Variants in USP34 observed in about 807,000 individuals in gnomAD.
The protein encoded by USP34 is ubiquitin specific peptidase 34.
A neutral mutation model predicts 460.3 loss-of-function variants in USP34; 70 were observed. The observed-to-expected ratio is 0.15, with a 90% CI of 0.13 to 0.19. The LOEUF is 0.19. Among genes scored for constraint, USP34 ranks in the 10% least tolerant of loss-of-function variants. The pLI, the probability that USP34 is intolerant of heterozygous loss-of-function variation, is 1.00. For synonymous variants in USP34, 1,647 were observed against 1,405.3 expected, an observed-to-expected ratio of 1.17 and a Z score of -3.85; for missense variants, 3,985 against 4,236.2, an observed-to-expected ratio of 0.94 and a Z score of 1.65.
intron 61 of USP34, among the ~76,000 whole-genome samples, 157 bp downstream of exon 61, chr2:61,228,488 T>A (rs2103824846): frequency 6.6e-6 from 1 of 152,330 alleles, no homozygotes; most frequent in East Asian, 1.9e-4. Context: ...CCATTAAAAT[T>A]ACATTAAAAA....
chr2:61,188,471 T>C lies in USP34; in HGVS notation c.10272A>G (p.Ser3424=). Residue 3424 remains serine (S), a synonymous_variant, in exon 80 of 80, where the codon TCA becomes TCG. Transcript: ENST00000398571. ...EYRMEVPSSF[S]EDMSNIRSQH... ...GTGACCTGATATTTGACATGTCTTC[T>C]GAAAACGAAGATGGAACTTCCATTC... is the stretch of plus-strand genomic sequence containing the variant. 1 of 1,614,258 alleles carries C rather than the reference T, an allele frequency of 6.2e-7. No homozygotes were observed. Among genetic ancestry groups the C allele is most frequent in the Admixed American group, 1.7e-5 (1 of 60,034 alleles).
At chr2:61,428,935 A>G (rs1443127377) in intron 1 of USP34, among the ~76,000 whole-genome samples, 5 of 152,242 alleles carry the variant, frequency 3.3e-5, no homozygotes, top group Non-Finnish European at 7.3e-5. Flanking sequence ...GGTAGCCAAC[A>G]AACAAAACAC....
At chr2:61,407,105 G>C (rs549357195) in intron 2 of USP34, among the ~76,000 whole-genome samples, 1 of 152,194 alleles carries the variant, frequency 6.6e-6, no homozygotes, top group Non-Finnish European at 1.5e-5. Context: ...AAGGATCTCA[G>C]CCAGGTGCAG....
chr2:61,310,761 G>A (rs990621675), intron 27 of USP34, among the ~76,000 whole-genome samples: 3 of 151,678 alleles, frequency 2.0e-5, no homozygotes, highest in Non-Finnish European at 2.9e-5. Flanking sequence ...GGTGAGACAC[G>A]AAGGTGTGTT....
At chr2:61,296,096 T>C (rs1690020639) in intron 30 of USP34, among the ~76,000 whole-genome samples, 1 of 151,960 alleles carries the variant, frequency 6.6e-6, no homozygotes, top group Admixed American at 6.6e-5. Flanking sequence ...CTGTCTCTAC[T>C]AAAAATACAA....
chr2:61,267,851 C>A (rs1387811003), intron 41 of USP34, among the ~76,000 whole-genome samples: 1 of 152,030 alleles, frequency 6.6e-6, no homozygotes, highest in African/African-American at 2.4e-5. Flanking sequence ...CTCCCGACTT[C>A]GTGATCCATC....
At chr2:61,291,584 TTG>T (rs1489916184) in intron 33 of USP34, among the ~76,000 whole-genome samples, 1 of 152,186 alleles carries the variant, frequency 6.6e-6, no homozygotes, top group Non-Finnish European at 1.5e-5. Flanking sequence ...ATGAATGTGT[TTG>T]TGTGTGCATA....
Position 61,228,655 on chromosome 2 carries a change from C to A in USP34, c.7433G>T (p.Gly2478Val). The change falls in exon 61 of 80, where the codon GGA (glycine) becomes GTA (valine). Residue 2478 changes from glycine to valine, a missense_variant. By Grantham distance (109) the Gly-to-Val change is moderately radical. Around this residue, in one of 14 missense-constraint regions of USP34, gnomAD observed 604 missense variants for 684.8 expected, o/e 0.88. Transcript: ENST00000398571. ...TMVHFYMGTK[G>V]PENPQVEVLS... ...TAGAACTGTACTTACATTTTCAGGT[C>A]CTTTTGTTCCCATGTAAAAATGTAC... is the stretch of plus-strand genomic sequence containing the variant. The A allele has an allele frequency of 6.2e-7, 1 of 1,611,334 alleles. No individual in the cohort carries two copies. The highest frequency in any genetic ancestry group is 1.1e-5 in the South Asian group (1 of 90,276).
At chr2:61,240,791 C>G (rs1049356823) in intron 53 of USP34, among the ~76,000 whole-genome samples, 3 of 151,630 alleles carry the variant, frequency 2.0e-5, no homozygotes, top group African/African-American at 4.9e-5. Context: ...CCAGGTTGGT[C>G]TCAAACTCCT....
rs761672388 is a variant in USP34 at position 61,203,153 on chromosome 2, T to C, written c.9495A>G (p.Thr3165=). ...TTTTATACTTACTCAGCTTAACTAA[T>C]GTTTCAGTAAATTTTTCACAGTTGA... is the stretch of plus-strand genomic sequence containing the variant. ...VAINCEKFTE[T]LVKLSVLVAY... Residue 3165 remains threonine (T), a synonymous_variant, in exon 75 of 80, where the codon ACA becomes ACG. Coordinates refer to ENST00000398571, the MANE Select transcript of USP34 (RefSeq NM_014709.4). 14 of 1,590,760 alleles carry C rather than the reference T, an allele frequency of 8.8e-6. No homozygotes were observed. In the South Asian group the frequency reaches 1.4e-4, roughly 16 times the overall value.
intron 1 of USP34, among the ~76,000 whole-genome samples, chr2:61,436,788 C>G (rs763984131): frequency 6.6e-6 from 1 of 152,174 alleles, no homozygotes; most frequent in Non-Finnish European, 1.5e-5. Flanking sequence ...TATTTTAGGA[C>G]ATAAAACAAG....
chr2:61,194,801 A>C (rs1342408794), intron 75 of USP34, among the ~76,000 whole-genome samples: 2 of 152,178 alleles, frequency 1.3e-5, no homozygotes, highest in African/African-American at 4.8e-5. Flanking sequence ...TAAAAATACA[A>C]AACTAGCAGG....
intron 15 of USP34, 99 bp downstream of exon 15, chr2:61,347,771 T>C: frequency 7.9e-6 from 12 of 1,515,424 alleles, no homozygotes; most frequent in Non-Finnish European, 9.7e-6. Context: ...ATACTACTAA[T>C]GAATAGCACT....
At chr2:61,293,322 C>A in intron 33 of USP34, 142 bp downstream of exon 33, 1 of 489,286 alleles carries the variant, frequency 2.0e-6, no homozygotes, top group Non-Finnish European at 3.5e-6. Flanking sequence ...GTTTATCAAA[C>A]TGTATTTTTA....
intron 59 of USP34, 54 bp downstream of exon 59, chr2:61,229,494 A>AC: frequency 9.1e-7 from 1 of 1,098,804 alleles, no homozygotes; most frequent in East Asian, 3.0e-5. Flanking sequence ...AAAAACAAAA[A>AC]CACCACACAC....
intron 48 of USP34, among the ~76,000 whole-genome samples, chr2:61,251,273 A>C (rs2103882315): frequency 6.6e-6 from 1 of 152,342 alleles, no homozygotes; most frequent in South Asian, 2.1e-4. Context: ...GTACTGTAAA[A>C]ATTATCTATA....
rs565168168 is a variant in USP34, at chr2:61,466,813, G to A, written c.43+3837C>T. Among the ~76,000 whole-genome samples the A allele has an allele frequency of 4.6e-5, 7 of 151,746 alleles. No homozygotes were observed. The South Asian group carries it at 1.5e-3, about 32-fold the overall frequency. On this transcript the variant is annotated intron_variant, in intron 1 of 79. Transcript: ENST00000398571. ...TGTAGTCTCAGTTACTCAGGAGGCTGAGGCAGAAGAATCACTTGAATCCGG... is the reference window on the plus strand; with the variant it reads ...TGTAGTCTCAGTTACTCAGGAGGCTAAGGCAGAAGAATCACTTGAATCCGG...
At chr2:61,412,452 G>C (rs1226362977) in intron 2 of USP34, among the ~76,000 whole-genome samples, 1 of 151,930 alleles carries the variant, frequency 6.6e-6, no homozygotes, top group Non-Finnish European at 1.5e-5. Flanking sequence ...TGTAATGTAT[G>C]CAAATACATA....
At chr2:61,423,625 G>A (rs1415080201) in intron 1 of USP34, among the ~76,000 whole-genome samples, 1 of 152,090 alleles carries the variant, frequency 6.6e-6, no homozygotes, top group Non-Finnish European at 1.5e-5. Flanking sequence ...CACCCAAATT[G>A]ATTTATGAAT....
Sources: allele counts gnomAD v4.1 joint callset (sites outside exome capture counted in the v4.1 genomes callset), GRCh38; gene constraint gnomAD v4.1.1; regional missense constraint gnomAD v4.1.1; transcripts MANE v1.5; gene names NCBI Gene and HGNC (gene_info 2026-07-23, HGNC 2026-07-21).